Variants in DACH1 observed in about 807,000 individuals in gnomAD.
DACH1 encodes the protein dachshund family transcription factor 1.
Under a neutral mutation model 54.2 loss-of-function variants are expected in DACH1, and 12 were observed. The ratio of observed to expected loss-of-function variants is 0.22; its 90% confidence interval spans 0.14 to 0.36. The LOEUF (loss-of-function observed/expected upper bound fraction) is 0.36, where lower values mean the gene tolerates loss of function less well. DACH1 is among the 10% of genes least tolerant of loss of function. DACH1 has a pLI of 1.00. For synonymous variants in DACH1, 386 were observed against 366.2 expected (o/e 1.05, Z -0.62); for missense variants, 805 against 929.8 (o/e 0.87, Z 1.75).
intron 2 of DACH1, among the ~76,000 whole-genome samples, chr13:71,643,563 T>C (rs1475642772): frequency 6.6e-6 from 1 of 152,226 alleles, no homozygotes. Flanking sequence ...AAATTGTTAC[T>C]TTATCTAATC....
chr13:71,517,562 C>A (rs1262116823), intron 6 of DACH1, among the ~76,000 whole-genome samples: 2 of 151,790 alleles, frequency 1.3e-5, no homozygotes, highest in African/African-American at 2.4e-5. Flanking sequence ...AAGCCAAATA[C>A]ACATGGATTA....
intron 1 of DACH1, among the ~76,000 whole-genome samples, chr13:71,687,686 C>T (rs953096403): frequency 2.6e-5 from 4 of 152,134 alleles, no homozygotes; most frequent in Admixed American, 1.3e-4. Context: ...CAGCTCACTG[C>T]GTCCTCAACC....
chr13:71,519,214 T>C (rs1219298790), intron 6 of DACH1, among the ~76,000 whole-genome samples: 1 of 151,928 alleles, frequency 6.6e-6, no homozygotes, highest in African/African-American at 2.4e-5. Flanking sequence ...AGAGAGCCTA[T>C]TTAACCCATA....
chr13:71,446,840 T>C (rs1593706097), intron 10 of DACH1, among the ~76,000 whole-genome samples: 2 of 152,228 alleles, frequency 1.3e-5, no homozygotes, highest in East Asian at 1.9e-4. Flanking sequence ...TCTTACAGCG[T>C]AGTTTCAAAG....
chr13:71,708,211 G>A (rs781208163), intron 1 of DACH1, among the ~76,000 whole-genome samples: 4 of 151,290 alleles, frequency 2.6e-5, no homozygotes, highest in Admixed American at 6.6e-5. Context: ...CCTGTGCCTC[G>A]ATCTATAACA....
At chr13:71,480,219 T>A (rs749647057) in intron 7 of DACH1, among the ~76,000 whole-genome samples, 13 of 152,150 alleles carry the variant, frequency 8.5e-5, no homozygotes, top group South Asian at 2.1e-4. Flanking sequence ...ACGTAATATA[T>A]TTAAGCGATC....
At chr13:71,761,399 C>T (rs927997666) in intron 1 of DACH1, among the ~76,000 whole-genome samples, 1 of 152,088 alleles carries the variant, frequency 6.6e-6, no homozygotes, top group Non-Finnish European at 1.5e-5. Flanking sequence ...ACAAAATTTC[C>T]TATAGGTAGA....
At chr13:71,708,182 C>T (rs956748706) in intron 1 of DACH1, among the ~76,000 whole-genome samples, 3 of 150,990 alleles carry the variant, frequency 2.0e-5, no homozygotes, top group South Asian at 4.2e-4. Flanking sequence ...AATATATAGT[C>T]TCTTCTGCAT....
At chr13:71,735,426 TAC>T (rs1884027721) in intron 1 of DACH1, among the ~76,000 whole-genome samples, 1 of 30,870 alleles carries the variant, frequency 3.2e-5, no homozygotes, top group African/African-American at 7.9e-5. Flanking sequence ...ATATGGGATA[TAC>T]ACGTATACGG....
intron 1 of DACH1, among the ~76,000 whole-genome samples, chr13:71,704,926 C>A (rs1045668452): frequency 6.6e-6 from 1 of 151,546 alleles, no homozygotes; most frequent in African/African-American, 2.4e-5. Context: ...GAAGGTAGTT[C>A]CTCTAAAATC....
chr13:71,766,138 G>A (rs1317085548), intron 1 of DACH1, among the ~76,000 whole-genome samples: 4 of 152,054 alleles, frequency 2.6e-5, no homozygotes, highest in East Asian at 1.9e-4. Context: ...CGTCCGCCTC[G>A]GCCTCCCAAA....
chr13:71,697,659 G>A (rs1323141952), intron 1 of DACH1, among the ~76,000 whole-genome samples: 1 of 152,128 alleles, frequency 6.6e-6, no homozygotes, highest in East Asian at 1.9e-4. Flanking sequence ...ACAATGAAGT[G>A]TCAATTTTTA....
At chr13:71,701,337 C>T (rs1882128348) in intron 1 of DACH1, among the ~76,000 whole-genome samples, 1 of 152,046 alleles carries the variant, frequency 6.6e-6, no homozygotes, top group Non-Finnish European at 1.5e-5. Flanking sequence ...TAATATGTGA[C>T]AATCAGAGTT....
intron 1 of DACH1, among the ~76,000 whole-genome samples, chr13:71,823,831 T>C (rs922690172): frequency 6.6e-6 from 1 of 151,968 alleles, no homozygotes; most frequent in African/African-American, 2.4e-5. Flanking sequence ...AGGCTATTTG[T>C]CTTGACGTTT....
rs185595609 is a variant in DACH1, at chr13:71,484,794, G to A, written c.1722+4203C>T. 2.9e-3 allele frequency among the ~76,000 whole-genome samples: 435 copies of A among 152,232 alleles called. 5 individuals carry two copies. Among genetic ancestry groups the A allele is most frequent in the Admixed American group, 5.2e-3 (79 of 15,282 alleles). ...TTTTAAAAAGTGAGTAGGCCCGGGC[G>A]CGGTGGCTCACGCCTGTAACCCCAG... On this transcript the variant is annotated intron_variant, in intron 7 of 10. Coordinates refer to ENST00000613252, the MANE Select transcript of DACH1 (RefSeq NM_080759.6).
chr13:71,466,582 C>T (rs957898395), intron 10 of DACH1, among the ~76,000 whole-genome samples: 4 of 152,114 alleles, frequency 2.6e-5, no homozygotes, highest in African/African-American at 9.7e-5. Context: ...GCGGCTCACG[C>T]CTGTAATCAT....
chr13:71,533,259 A>G (rs996166302), intron 6 of DACH1, among the ~76,000 whole-genome samples: 1 of 151,952 alleles, frequency 6.6e-6, no homozygotes, highest in East Asian at 1.9e-4. Context: ...TTAGAGAAAT[A>G]TTTTCTCCAT....
intron 3 of DACH1, among the ~76,000 whole-genome samples, chr13:71,622,005 T>C (rs1876281464): frequency 2.0e-5 from 3 of 152,060 alleles, no homozygotes; most frequent in Non-Finnish European, 4.4e-5. Flanking sequence ...CCAAATTATC[T>C]GGGTTCATTT....
At chr13:71,853,132 A>C (rs1219197042) in intron 1 of DACH1, among the ~76,000 whole-genome samples, 1 of 152,186 alleles carries the variant, frequency 6.6e-6, no homozygotes, top group South Asian at 2.1e-4. Context: ...TTAATTTCTG[A>C]AGAAAATCAA....
Sources: allele counts gnomAD v4.1 joint callset (sites outside exome capture counted in the v4.1 genomes callset), GRCh38; gene constraint gnomAD v4.1.1; transcripts MANE v1.5; gene names NCBI Gene and HGNC (gene_info 2026-07-23, HGNC 2026-07-21).